Variants in CEP76 observed in about 807,000 individuals in gnomAD.
The protein encoded by CEP76 is centrosomal protein 76.
In CEP76, 55 loss-of-function variants were observed where a neutral mutation model predicts 83.3. The ratio of observed to expected loss-of-function variants is 0.66; its 90% CI spans 0.53 to 0.83. The LOEUF is 0.83. CEP76 is among the 40% of genes least tolerant of loss of function. The probability of loss-of-function intolerance (pLI) is 0.00; values close to 1 mark genes in which losing one functional copy is unlikely to be tolerated. For synonymous variants in CEP76, 270 were observed against 274.5 expected, an observed-to-expected ratio of 0.98 and a Z score of 0.16; for missense variants, 694 against 799.5, an observed-to-expected ratio of 0.87 and a Z score of 1.59.
At chr18:12,674,461 A>G in intron 11 of CEP76, 75 bp downstream of exon 11, 1 of 1,125,630 alleles carries the variant, frequency 8.9e-7, no homozygotes, top group Non-Finnish European at 1.3e-6. Context: ...AAAAAAAGGA[A>G]ATTAAAAAAA....
At chr18:12,695,379 GAGAT>G (rs756712133) in intron 5 of CEP76, 28 bp from the exon 6 acceptor site, 6 of 1,155,684 alleles carry the variant, frequency 5.2e-6, no homozygotes, top group Non-Finnish European at 7.5e-6. Flanking sequence ...TTGAACTTCA[GAGAT>G]TTCAATACTA....
rs187403198 is a variant in CEP76 at position 12,697,448 on chromosome 18, A to G, written c.521-40T>C. The stretch of plus-strand genomic sequence containing the variant: ...CAAACGAAATTATACCACACTACAT[A>G]TTCAGTTAGGCCAACATAAAAGAAT... On this transcript the variant is annotated intron_variant, in intron 4 of 11. Coordinates refer to ENST00000262127, the MANE Select transcript of CEP76 (RefSeq NM_024899.4). 7.3e-5 allele frequency: 98 copies of G among 1,339,862 alleles called. 1 individual carries two copies. Among genetic ancestry groups the G allele is most frequent in the Non-Finnish European group, 5.7e-5 (55 of 960,660 alleles). 83.0% of individuals were successfully genotyped at this position (1,339,862 alleles called of 1,614,324 possible). A position where few individuals can be genotyped will look rare whatever the true frequency, so the allele number is the denominator to read the frequency against.
intron 12 of CEP76, among the ~76,000 whole-genome samples, chr18:12,664,088 C>T (rs903892389): frequency 1.1e-4 from 17 of 152,086 alleles, no homozygotes; most frequent in South Asian, 4.1e-4. Flanking sequence ...CGCTTGAACC[C>T]GGAGGGGCGG....
intron 8 of CEP76, among the ~76,000 whole-genome samples, chr18:12,682,108 T>A (rs2039371236): frequency 6.6e-6 from 1 of 152,178 alleles, no homozygotes; most frequent in African/African-American, 2.4e-5. Context: ...GTAGGAAGAC[T>A]ACACGCGAAA....
intron 5 of CEP76, among the ~76,000 whole-genome samples, chr18:12,696,786 T>C (rs1291883090): frequency 1.3e-5 from 2 of 152,156 alleles, no homozygotes; most frequent in Non-Finnish European, 2.9e-5. Flanking sequence ...CGAGTCTCAC[T>C]CACCCACACT....
chr18:12,692,281 G>A (rs1364151686), intron 6 of CEP76: 7 of 150,906 alleles, frequency 4.6e-5, no homozygotes, highest in Non-Finnish European at 8.8e-5. Flanking sequence ...ATGCCACCGT[G>A]CTCCACCCTG....
rs2039316647 is a variant in CEP76, at chr18:12,680,688, A to T, written c.1263T>A (p.Thr421=). The change falls in exon 9 of 12, where the codon ACT becomes ACA. Residue 421 remains threonine (T), a synonymous_variant. Coordinates refer to ENST00000262127, the MANE Select transcript of CEP76 (RefSeq NM_024899.4). ...TGTGTCCTGTTAAACTCTCCCAAAA[A>T]GTGATGGCCCCATCAGTTCCACAAG... ...VMTCGTDGAI[T]FWESLTGHRY... 6.2e-7 allele frequency: 1 copy of T among 1,612,680 alleles called. No homozygotes were observed. Among genetic ancestry groups the T allele is most frequent in the Non-Finnish European group, 8.5e-7 (1 of 1,179,446 alleles).
At position 12,664,696 on chromosome 18, in the gene CEP76, A is replaced by ATTT. The variant is rs1277697796; in HGVS notation, c.*1728-2528_*1728-2527insAAA. Among the ~76,000 whole-genome samples, 459 of 146,368 alleles carry ATTT rather than the reference A, an allele frequency of 3.1e-3. 1 individual carries two copies. The highest frequency in any genetic ancestry group is 0.011 in the African/African-American group (429 of 39,448). On this transcript the variant is annotated intron_variant and NMD_transcript_variant, in intron 12 of 12. Coordinates refer to the CEP76 transcript ENST00000590143. Reference sequence around the variant, plus strand: ...CACTGTGCCTGGCTAATTTGTCCTGATCTTTTTTTTTTTTTTTTTTAAGAC... The same window carrying ATTT: ...CACTGTGCCTGGCTAATTTGTCCTGATTTTCTTTTTTTTTTTTTTTTTTAAGAC...
chr18:12,691,397 G>T lies in CEP76; in HGVS notation c.895C>A (p.Pro299Thr), dbSNP rs758628222. ...TTAACCAGTCGTGAGTTGTGTGAGG[G>T]TCGAATTTGCAAATATTCTCTCCAC... ...QWWREYLQIR[P>T]SHNSRLVKIF... The change falls in exon 7 of 12, where the codon CCC (proline) becomes ACC (threonine). Residue 299 changes from proline (P) to threonine (T), a missense_variant. By Grantham distance (38) the Pro-to-Thr change is conservative. Coordinates refer to ENST00000262127, the MANE Select transcript of CEP76 (RefSeq NM_024899.4). The T allele has an allele frequency of 1.2e-6, 2 of 1,607,238 alleles. 1 individual carries two copies. The highest frequency in any genetic ancestry group is 2.2e-5 in the South Asian group (2 of 89,572).
At chr18:12,702,451 G>A in intron 1 of CEP76, 35 bp downstream of exon 1, 1 of 1,526,662 alleles carries the variant, frequency 6.6e-7, no homozygotes, top group Non-Finnish European at 9.0e-7. Flanking sequence ...TTATGGGTCG[G>A]CCCGGCGGTC....
intron 8 of CEP76, among the ~76,000 whole-genome samples, chr18:12,682,411 A>G (rs933611190): frequency 4.6e-5 from 7 of 152,122 alleles, no homozygotes; most frequent in African/African-American, 1.7e-4. Context: ...CTGGTCTCGA[A>G]TTCCTGGACT....
chr18:12,688,423 C>G (rs9956807), intron 7 of CEP76, among the ~76,000 whole-genome samples: 2,716 of 152,156 alleles, frequency 0.018, 88 homozygotes, highest in African/African-American at 0.062. Flanking sequence ...ATCTACAGAT[C>G]TTTGGTTAGT....
rs1307681691 is a variant in CEP76, at chr18:12,699,096, T to C, written c.403A>G (p.Thr135Ala). ...CGATAATGTAAACATAAAGTAAACG[T>C]TGAACAAACTTGTCCAGGTAAAGGC... ...PEPLPGQVCS[T>A]FTLCLHYRNQ... is the part of the protein sequence containing the mutation. The change falls in exon 4 of 12, where the codon ACG (threonine) becomes GCG (alanine). Residue 135 changes from threonine to alanine, a missense_variant. Thr to Ala is a moderately conservative substitution (Grantham distance 58). Transcript: ENST00000262127. The C allele has an allele frequency of 1.9e-6, 3 of 1,614,104 alleles. No individual in the cohort carries two copies. The highest frequency in any genetic ancestry group is 2.5e-6 in the Non-Finnish European group (3 of 1,179,980).
intron 6 of CEP76, among the ~76,000 whole-genome samples, chr18:12,693,969 C>A (rs1156529308): frequency 2.0e-5 from 3 of 152,110 alleles, no homozygotes; most frequent in Admixed American, 6.6e-5. Context: ...GCAGCTGGGA[C>A]TACAAGTATG....
intron 8 of CEP76, 90 bp from the exon 9 acceptor site, chr18:12,680,918 G>A: frequency 8.2e-7 from 1 of 1,223,640 alleles, no homozygotes; most frequent in African/African-American, 1.5e-5. Context: ...AAATTTATTG[G>A]CTGGGCACAG....
Position 12,696,612 on chromosome 18 carries a change from T to C in CEP76, c.706+611A>G, listed in dbSNP as rs543508631. 6.6e-5 allele frequency among the ~76,000 whole-genome samples: 10 copies of C among 152,324 alleles called. No homozygotes were observed. The South Asian group carries it at 8.3e-4, about 13-fold the overall frequency. On this transcript the variant is annotated intron_variant, in intron 5 of 11. Transcript: ENST00000262127. The stretch of plus-strand genomic sequence containing the variant: ...ACCAAAGTAATTCCATTATATGTTA[T>C]AGATAAAACATTGGTAGGTTTTGTT...
At chr18:12,689,713 C>T (rs1431262497) in intron 7 of CEP76, among the ~76,000 whole-genome samples, 4 of 152,162 alleles carry the variant, frequency 2.6e-5, no homozygotes, top group African/African-American at 7.2e-5. Context: ...TTCCTAATTC[C>T]ACGTGGCAAT....
chr18:12,695,249 T>C lies in CEP76; in HGVS notation c.804+5A>G. ...ACAAAAAAAGAGAAACTCATAAGTA[T>C]TTACCTGTGTGTTCACTACTTCTTG... On this transcript the variant is annotated splice_donor_5th_base_variant and intron_variant, in intron 6 of 11. Coordinates refer to ENST00000262127, the MANE Select transcript of CEP76 (RefSeq NM_024899.4). The C allele has an allele frequency of 7.5e-7, 1 of 1,340,696 alleles. No individual in the cohort carries two copies. The highest frequency in any genetic ancestry group is 1.3e-5 in the South Asian group (1 of 78,750). 83.0% of individuals were successfully genotyped at this position (1,340,696 alleles called of 1,614,324 possible). A position where few individuals can be genotyped will look rare whatever the true frequency, so the allele number is the denominator to read the frequency against.
chr18:12,672,003 A>G (rs1489553176), downstream of CEP76, among the ~76,000 whole-genome samples: 1 of 150,866 alleles, frequency 6.6e-6, no homozygotes, highest in East Asian at 2.0e-4. Context: ...TATCTTTAGT[A>G]GAGACAGGGT....
Sources: allele counts gnomAD v4.1 joint callset (sites outside exome capture counted in the v4.1 genomes callset), GRCh38; gene constraint gnomAD v4.1.1; transcripts MANE v1.5; gene names NCBI Gene and HGNC (gene_info 2026-07-23, HGNC 2026-07-21).